CEP126: variants seen among roughly 807,000 people sequenced by gnomAD.
CEP126 encodes centrosomal protein of 126 kDa.
In CEP126, 74 loss-of-function variants were observed where a neutral mutation model predicts 107.8. That is an observed-to-expected ratio of 0.69 (90% CI 0.57 to 0.83). The LOEUF (loss-of-function observed/expected upper bound fraction) is 0.83. Among genes scored for constraint, CEP126 ranks in the 40% least tolerant of loss-of-function variants. The pLI is 0.00. For missense variants in CEP126, 1,237 were observed against 1,281.9 expected (o/e 0.96, Z 0.53); for synonymous variants, 449 against 446.0 (o/e 1.01, Z -0.08).
At chr11:101,922,418 C>T (rs78568344) in intron 1 of CEP126, among the ~76,000 whole-genome samples, 8,932 of 151,894 alleles carry the variant, frequency 0.059, 484 homozygotes, top group East Asian at 0.27. Flanking sequence ...CTGCCTCAGC[C>T]TCCTAAAGTG....
intron 1 of CEP126, among the ~76,000 whole-genome samples, 157 bp from the exon 2 acceptor site, chr11:101,922,484 G>A (rs1001758313): frequency 6.6e-6 from 1 of 152,064 alleles, no homozygotes; most frequent in African/African-American, 2.4e-5. Flanking sequence ...TACATAAAAT[G>A]TTTGCCAGTC....
chr11:101,921,653 GC>G (rs1940327500), intron 1 of CEP126, among the ~76,000 whole-genome samples: 1 of 138,920 alleles, frequency 7.2e-6, no homozygotes, highest in South Asian at 2.5e-4. Context: ...GTTGCAGTGA[GC>G]TAAGATCATG....
At chr11:101,973,690 G>C (rs1018059173) in intron 6 of CEP126, among the ~76,000 whole-genome samples, 1 of 152,066 alleles carries the variant, frequency 6.6e-6, no homozygotes, top group Admixed American at 6.6e-5. Flanking sequence ...CAATAAATTA[G>C]GTTTTAATAA....
intron 4 of CEP126, chr11:101,956,912 G>C (rs1446906709): frequency 2.8e-6 from 1 of 353,146 alleles, no homozygotes; most frequent in Non-Finnish European, 5.5e-6. Flanking sequence ...GAAAGGAATA[G>C]AGAAGAAAGT....
intron 6 of CEP126, among the ~76,000 whole-genome samples, chr11:101,964,265 TG>T (rs1165345158): frequency 6.6e-6 from 1 of 150,618 alleles, no homozygotes; most frequent in African/African-American, 2.4e-5. Flanking sequence ...ATCATGTCAC[TG>T]CACTCCAGCC....
chr11:101,936,012 G>T (rs562982938), intron 2 of CEP126, among the ~76,000 whole-genome samples: 1 of 152,076 alleles, frequency 6.6e-6, no homozygotes, highest in East Asian at 1.9e-4. Flanking sequence ...ATTCAAGATA[G>T]TTTTGCTTAT....
At chr11:101,984,460 T>C (rs997523093) in intron 8 of CEP126, among the ~76,000 whole-genome samples, 1 of 152,124 alleles carries the variant, frequency 6.6e-6, no homozygotes, top group African/African-American at 2.4e-5. Flanking sequence ...ATCAAAGAGG[T>C]TATTAACATC....
At chr11:101,945,486 A>G (rs548580933) in intron 3 of CEP126, among the ~76,000 whole-genome samples, 2 of 152,342 alleles carry the variant, frequency 1.3e-5, no homozygotes, top group South Asian at 2.1e-4. Context: ...ACAAGAAAGC[A>G]AGCCATTGCT....
At chr11:101,941,837 G>T (rs1345652276) in intron 2 of CEP126, among the ~76,000 whole-genome samples, 1 of 151,870 alleles carries the variant, frequency 6.6e-6, no homozygotes, top group African/African-American at 2.4e-5. Flanking sequence ...TTAAATAATA[G>T]TCATCCTAAT....
At chr11:101,979,207 G>C (rs1318165551) in intron 7 of CEP126, among the ~76,000 whole-genome samples, 1 of 152,054 alleles carries the variant, frequency 6.6e-6, no homozygotes, top group African/African-American at 2.4e-5. Context: ...ATTTGTGTCT[G>C]AGCTTCCTGG....
chr11:101,953,345 A>T (rs1299042575), intron 4 of CEP126, among the ~76,000 whole-genome samples: 1 of 152,226 alleles, frequency 6.6e-6, no homozygotes, highest in Non-Finnish European at 1.5e-5. Context: ...ATCCAGAGAA[A>T]TAGACTTAGA....
At chr11:101,930,557 T>C (rs1168185692) in intron 2 of CEP126, among the ~76,000 whole-genome samples, 2 of 152,070 alleles carry the variant, frequency 1.3e-5, no homozygotes, top group African/African-American at 2.4e-5. Context: ...GAACAAAACC[T>C]CCACACCATG....
At chr11:101,996,667 A>T (rs1941445428) in intron 10 of CEP126, among the ~76,000 whole-genome samples, 1 of 152,244 alleles carries the variant, frequency 6.6e-6, no homozygotes, top group South Asian at 2.1e-4. Context: ...GAGTTCTGAA[A>T]AAAGCTTCAG....
intron 6 of CEP126, among the ~76,000 whole-genome samples, chr11:101,971,117 A>C (rs1191291022): frequency 6.6e-6 from 1 of 152,090 alleles, no homozygotes; most frequent in Non-Finnish European, 1.5e-5. Context: ...ACAGGTGCGC[A>C]CCACCATGCC....
Position 101,915,329 on chromosome 11 carries a change from G to A in CEP126, c.45G>A (p.Leu15=). Residue 15 remains leucine, a synonymous_variant, in exon 1 of 11, where the codon CTG becomes CTA. Transcript: ENST00000263468. ...GAACCCGGAGCGCGGTCGGGGAACT[G>A]GGCACTGAATCATCGGACAACCTCG... ...RPGTRSAVGE[L]GTESSDNLDR... The A allele has an allele frequency of 6.2e-7, 1 of 1,613,982 alleles. No individual in the cohort carries two copies. Among genetic ancestry groups the A allele is most frequent in the Non-Finnish European group, 8.5e-7 (1 of 1,180,010 alleles).
chr11:101,985,347 A>G (rs922386627), intron 8 of CEP126, among the ~76,000 whole-genome samples: 1 of 151,430 alleles, frequency 6.6e-6, no homozygotes, highest in Non-Finnish European at 1.5e-5. Flanking sequence ...CAATGGTGCA[A>G]TCTTGGTTCA....
chr11:101,976,161 C>T (rs1181467450), intron 6 of CEP126, among the ~76,000 whole-genome samples: 1 of 152,200 alleles, frequency 6.6e-6, no homozygotes, highest in Non-Finnish European at 1.5e-5. Context: ...CGCCAAACTG[C>T]TTTCTACAAT....
At chr11:101,963,972 C>G in intron 6 of CEP126, 92 bp downstream of exon 6, 2 of 769,368 alleles carry the variant, frequency 2.6e-6, no homozygotes. Context: ...GCCATACATA[C>G]TACATAAATA....
intron 9 of CEP126, 40 bp from the exon 10 acceptor site, chr11:101,992,738 G>T: frequency 9.3e-7 from 1 of 1,070,352 alleles, no homozygotes; most frequent in Non-Finnish European, 1.3e-6. Context: ...TTCTATATAT[G>T]TAACTAAATT....
Sources: gnomAD v4.1 joint callset for allele counts (sites outside exome capture counted in the v4.1 genomes callset) on GRCh38, gnomAD v4.1.1 for gene constraint, MANE v1.5 for transcripts, NCBI Gene and HGNC (gene_info 2026-07-23, HGNC 2026-07-21) for gene names.